NTRK2: variants seen among roughly 807,000 people sequenced by gnomAD.
The protein encoded by NTRK2 is neurotrophic receptor tyrosine kinase 2.
NTRK2 carries 13 observed loss-of-function variants against 94.5 expected under a neutral mutation model. The observed-to-expected ratio is 0.14, with a 90% CI of 0.09 to 0.22. The LOEUF is 0.22. NTRK2 is among the 10% of genes least tolerant of loss of function. The pLI, the probability that NTRK2 is intolerant of heterozygous loss-of-function variation, is 1.00. For synonymous variants in NTRK2, 372 were observed against 407.4 expected (o/e 0.91, Z 1.05); for missense variants, 639 against 1,071.2 (o/e 0.60, Z 5.63).
intron 10 of NTRK2, among the ~76,000 whole-genome samples, chr9:84,743,621 T>C (rs1011174907): frequency 2.6e-5 from 4 of 152,242 alleles, no homozygotes; most frequent in Non-Finnish European, 5.9e-5. Flanking sequence ...TTTTACATCT[T>C]AAAATTACAT....
At chr9:84,726,493 C>CA (rs34898908) in intron 8 of NTRK2, among the ~76,000 whole-genome samples, 2 of 149,150 alleles carry the variant, frequency 1.3e-5, no homozygotes, top group Admixed American at 6.7e-5. Flanking sequence ...TCTAAAAAAA[C>CA]AAAAAACAAA....
chr9:84,958,665 T>A (rs1232677468), intron 17 of NTRK2, among the ~76,000 whole-genome samples: 1 of 152,144 alleles, frequency 6.6e-6, no homozygotes, highest in Non-Finnish European at 1.5e-5. Context: ...CTGTTGCAGA[T>A]GGGAATGGGC....
At chr9:84,681,585 T>G (rs1327120152) in intron 2 of NTRK2, among the ~76,000 whole-genome samples, 1 of 152,066 alleles carries the variant, frequency 6.6e-6, no homozygotes, top group Non-Finnish European at 1.5e-5. Context: ...GGAACAAACA[T>G]CTAATAAGTA....
chr9:84,865,970 T>G (rs2075574444), intron 13 of NTRK2, among the ~76,000 whole-genome samples: 1 of 152,234 alleles, frequency 6.6e-6, no homozygotes, highest in African/African-American at 2.4e-5. Context: ...AATGGGTAAA[T>G]TGTTTAGACA....
chr9:85,002,990 C>T lies in NTRK2; in HGVS notation c.2173-17216C>T, dbSNP rs146424243. 4.9e-3 allele frequency among the ~76,000 whole-genome samples: 741 copies of T among 152,260 alleles called. 6 individuals carry two copies. Among genetic ancestry groups the T allele is most frequent in the African/African-American group, 0.017 (705 of 41,568 alleles). ...CTGAGTTGGAGAAACAGTTGGGGGA[C>T]GGAGCTGAGTGAGCTTGGTGAATCA... On this transcript the variant is annotated intron_variant, in intron 17 of 18. Transcript: ENST00000277120.
At chr9:84,770,275 G>A (rs1340691418) in intron 12 of NTRK2, among the ~76,000 whole-genome samples, 1 of 152,078 alleles carries the variant, frequency 6.6e-6, no homozygotes, top group East Asian at 1.9e-4. Context: ...GCTGATGAGT[G>A]GTGAAGGAGT....
At chr9:84,730,672 C>T (rs1457357801) in intron 9 of NTRK2, among the ~76,000 whole-genome samples, 2 of 115,338 alleles carry the variant, frequency 1.7e-5, no homozygotes, top group African/African-American at 4.2e-5. Flanking sequence ...ACCCGGGAGG[C>T]GGAGCTTGCA....
At chr9:84,770,157 C>T (rs1427960762) in intron 12 of NTRK2, among the ~76,000 whole-genome samples, 1 of 138,736 alleles carries the variant, frequency 7.2e-6, no homozygotes, top group Non-Finnish European at 1.5e-5. Context: ...CATGAGAACA[C>T]ACACACACAC....
chr9:84,913,266 C>T (rs2077298007), intron 14 of NTRK2, among the ~76,000 whole-genome samples: 1 of 152,054 alleles, frequency 6.6e-6, no homozygotes, highest in Non-Finnish European at 1.5e-5. Context: ...TACATACATA[C>T]ATATATATAA....
chr9:84,983,676 A>C (rs1157778387), intron 17 of NTRK2, among the ~76,000 whole-genome samples: 1 of 152,144 alleles, frequency 6.6e-6, no homozygotes, highest in African/African-American at 2.4e-5. Context: ...TCCCCATAAA[A>C]ATTCAGATTT....
chr9:84,791,395 ACT>A (rs2068718476), intron 12 of NTRK2, among the ~76,000 whole-genome samples: 5 of 152,168 alleles, frequency 3.3e-5, no homozygotes, highest in African/African-American at 1.2e-4. Flanking sequence ...GAGTCAACTG[ACT>A]ATTGTCTCTG....
At chr9:85,007,496 A>G (rs1265061648) in intron 17 of NTRK2, among the ~76,000 whole-genome samples, 1 of 152,188 alleles carries the variant, frequency 6.6e-6, no homozygotes, top group African/African-American at 2.4e-5. Flanking sequence ...TGTGAATTGG[A>G]AAAAGGTCAG....
At position 84,675,324 on chromosome 9, in the gene NTRK2, C is replaced by CTTTTTTTTTTTTTTTTTTTTT. The variant is rs536445167; in HGVS notation, c.212+4371_212+4391dup. Among the ~76,000 whole-genome samples, 38 of 67,322 alleles carry CTTTTTTTTTTTTTTTTTTTTT rather than the reference C, an allele frequency of 5.6e-4. 3 individuals are homozygous for CTTTTTTTTTTTTTTTTTTTTT. The highest frequency in any genetic ancestry group is 2.1e-3 in the East Asian group (4 of 1,888). 44.2% of individuals were successfully genotyped at this position (67,322 alleles called of 152,430 possible). A position where few individuals can be genotyped will look rare whatever the true frequency, so the allele number is the denominator to read the frequency against. ...CTCTTCTCCTTTCTTTCTTTCTTTCCTTTTTTTTTTTTTTTTTTTTTTTTT... is the reference window on the plus strand; with the variant it reads ...CTCTTCTCCTTTCTTTCTTTCTTTCCTTTTTTTTTTTTTTTTTTTTTTTTTTTTTTTTTTTTTTTTTTTTTT... On this transcript the variant is annotated intron_variant, in intron 2 of 18. Coordinates refer to ENST00000277120, the MANE Select transcript of NTRK2 (RefSeq NM_006180.6).
chr9:84,766,579 C>T (rs780499212), intron 12 of NTRK2, among the ~76,000 whole-genome samples: 4 of 151,932 alleles, frequency 2.6e-5, no homozygotes, highest in Non-Finnish European at 4.4e-5. Context: ...GTTCCTCATA[C>T]AAGAGTATGG....
At chr9:84,789,208 A>C (rs1244012698) in intron 12 of NTRK2, among the ~76,000 whole-genome samples, 1 of 152,228 alleles carries the variant, frequency 6.6e-6, no homozygotes, top group Non-Finnish European at 1.5e-5. Context: ...AGGGACACAC[A>C]GAGAGGCTAC....
chr9:84,745,055 C>T lies in NTRK2; in HGVS notation c.1278C>T (p.Thr426=), dbSNP rs1217234880. Residue 426 remains threonine, a synonymous_variant, in exon 11 of 19, where the codon ACC becomes ACT. Coordinates refer to ENST00000277120, the MANE Select transcript of NTRK2 (RefSeq NM_006180.6). ...EIPSTDVTDK[T]GREHLSVYAV... is the part of the protein sequence containing the mutation. The stretch of plus-strand genomic sequence containing the variant: ...CTTCCACAGACGTCACTGATAAAAC[C>T]GGTCGGGAACATCTCTCGGTGAGTG... 1.2e-5 allele frequency: 20 copies of T among 1,613,120 alleles called. No homozygotes were observed. The highest frequency in any genetic ancestry group is 5.5e-5 in the South Asian group (5 of 91,014).
chr9:84,772,566 A>T (rs2066662552), intron 12 of NTRK2, among the ~76,000 whole-genome samples: 1 of 152,172 alleles, frequency 6.6e-6, no homozygotes, highest in Admixed American at 6.5e-5. Flanking sequence ...GGGAATCTAC[A>T]TGTGTACATC....
chr9:84,962,593 G>T (rs1825079423), intron 17 of NTRK2, among the ~76,000 whole-genome samples: 1 of 152,148 alleles, frequency 6.6e-6, no homozygotes, highest in African/African-American at 2.4e-5. Flanking sequence ...CAGGTGCACT[G>T]GGAATGACAG....
chr9:84,999,240 T>A (rs1357397121), intron 17 of NTRK2, among the ~76,000 whole-genome samples: 3 of 152,216 alleles, frequency 2.0e-5, no homozygotes, highest in Non-Finnish European at 4.4e-5. Context: ...TACAATTGCC[T>A]GGGCTCCTTG....
Sources: gnomAD v4.1 joint callset for allele counts (sites outside exome capture counted in the v4.1 genomes callset) on GRCh38, gnomAD v4.1.1 for gene constraint, MANE v1.5 for transcripts, NCBI Gene and HGNC (gene_info 2026-07-23, HGNC 2026-07-21) for gene names.